The following AZIN2 variants were observed in gnomAD, a reference collection of about 807,000 sequenced individuals.
The protein encoded by AZIN2 is ODC antizyme inhibitor-2.
Under a neutral mutation model 47.8 loss-of-function variants are expected in AZIN2, and 28 were observed. That is an observed-to-expected ratio of 0.59 (90% CI 0.43 to 0.80). AZIN2 has a LOEUF of 0.80. Ranked by LOEUF, AZIN2 falls within the 30% of genes least tolerant of loss-of-function variation. The pLI is 0.00. For missense variants in AZIN2, 535 were observed against 582.5 expected, an observed-to-expected ratio of 0.92 and a Z score of 0.84; for synonymous variants, 221 against 239.4, an observed-to-expected ratio of 0.92 and a Z score of 0.71.
chr1:33,087,602 A>G (rs1024150472), intron 5 of AZIN2, among the ~76,000 whole-genome samples: 1 of 151,302 alleles, frequency 6.6e-6, no homozygotes, highest in Non-Finnish European at 1.5e-5. Context: ...ATGCCCGGCT[A>G]ATTTTTTGTT....
chr1:33,115,470 C>T (rs190966163), intron 10 of AZIN2, among the ~76,000 whole-genome samples: 2 of 150,852 alleles, frequency 1.3e-5, no homozygotes, highest in Non-Finnish European at 1.5e-5. Flanking sequence ...TTTGGAAGGC[C>T]GAGGTGGCGG....
At chr1:33,092,695 G>A (rs1642697482) in intron 6 of AZIN2, among the ~76,000 whole-genome samples, 1 of 152,168 alleles carries the variant, frequency 6.6e-6, no homozygotes, top group Non-Finnish European at 1.5e-5. Context: ...ACATTCAAGC[G>A]TAAGCAGAAA....
the AZIN2 span, among the ~76,000 whole-genome samples, chr1:33,149,063 C>G: frequency 6.6e-6 from 1 of 152,212 alleles, no homozygotes; most frequent in African/African-American, 2.4e-5. Flanking sequence ...CCCAGAGGCT[C>G]AATTCAAAAG....
chr1:33,127,767 G>A (rs1644867492), downstream of AZIN2, among the ~76,000 whole-genome samples: 1 of 152,210 alleles, frequency 6.6e-6, no homozygotes, highest in Non-Finnish European at 1.5e-5. Flanking sequence ...AGAATATAAA[G>A]GTCTTTGAAA....
chr1:33,138,520 C>T, the AZIN2 span, among the ~76,000 whole-genome samples: 66 of 151,316 alleles, frequency 4.4e-4, no homozygotes, highest in Non-Finnish European at 7.9e-4. Context: ...TAAATTAGCA[C>T]GCCCAATAAT....
In AZIN2 at chr1:33,085,911, C is replaced by T. The variant is rs566523709; in HGVS notation, c.279+1784C>T. 3.2e-4 allele frequency among the ~76,000 whole-genome samples: 48 copies of T among 152,270 alleles called. No individual in the cohort carries two copies. The South Asian group carries it at 4.2e-3, about 13-fold the overall frequency. On this transcript the variant is annotated intron_variant, in intron 5 of 11. Transcript: ENST00000294517. Reference sequence around the variant, plus strand: ...CGTCCTCGTTTCCCACTTCTTCCTGCGGTGCCCTGGGCCTCCACGTGGGAT... The same window carrying T: ...CGTCCTCGTTTCCCACTTCTTCCTGTGGTGCCCTGGGCCTCCACGTGGGAT...
the AZIN2 span, among the ~76,000 whole-genome samples, chr1:33,144,795 C>T: frequency 2.6e-5 from 4 of 152,104 alleles, no homozygotes; most frequent in Non-Finnish European, 5.9e-5. Flanking sequence ...GTTCCATACC[C>T]GTCACAGCCC....
the AZIN2 span, among the ~76,000 whole-genome samples, chr1:33,144,054 A>G: frequency 6.6e-6 from 1 of 152,132 alleles, no homozygotes; most frequent in African/African-American, 2.4e-5. Context: ...GATGGCATTC[A>G]TGATTATGCC....
the AZIN2 span, among the ~76,000 whole-genome samples, chr1:33,150,137 T>C: frequency 2.0e-5 from 3 of 152,220 alleles, no homozygotes; most frequent in Non-Finnish European, 4.4e-5. Flanking sequence ...TGGCTTTCCT[T>C]AGCCTGAATG....
chr1:33,134,780 A>G, the AZIN2 span, among the ~76,000 whole-genome samples: 1 of 152,218 alleles, frequency 6.6e-6, no homozygotes, highest in Admixed American at 6.5e-5. Context: ...GACTCTGAGA[A>G]ATAGGGGAGC....
At chr1:33,144,951 A>G in the AZIN2 span, among the ~76,000 whole-genome samples, 2 of 152,216 alleles carry the variant, frequency 1.3e-5, no homozygotes, top group East Asian at 1.9e-4. Context: ...TTACCAATAA[A>G]TTATGTGAAA....
the AZIN2 span, among the ~76,000 whole-genome samples, chr1:33,155,960 T>G: frequency 6.6e-6 from 1 of 152,218 alleles, no homozygotes; most frequent in Non-Finnish European, 1.5e-5. Flanking sequence ...TGCTTCCTGC[T>G]TTACTGAGAA....
chr1:33,148,611 AATATTTT>A, the AZIN2 span, among the ~76,000 whole-genome samples: 2 of 152,332 alleles, frequency 1.3e-5, no homozygotes, highest in South Asian at 4.1e-4. Context: ...TGACATACAA[AATATTTT>A]ATTATTAATA....
At chr1:33,098,435 G>T (rs1233734242) in intron 10 of AZIN2, among the ~76,000 whole-genome samples, 1 of 152,164 alleles carries the variant, frequency 6.6e-6, no homozygotes, top group Non-Finnish European at 1.5e-5. Flanking sequence ...ATGGGGTGTA[G>T]CTCTTTCCAT....
At chr1:33,150,978 G>A in the AZIN2 span, among the ~76,000 whole-genome samples, 4 of 152,162 alleles carry the variant, frequency 2.6e-5, no homozygotes, top group Non-Finnish European at 4.4e-5. Flanking sequence ...ACCAGCAACA[G>A]GCAGCAACCG....
chr1:33,108,217 C>T (rs1238073421), intron 10 of AZIN2, among the ~76,000 whole-genome samples: 1 of 152,036 alleles, frequency 6.6e-6, no homozygotes, highest in African/African-American at 2.4e-5. Flanking sequence ...ACCAAGGACA[C>T]ACAATGGGAA....
Position 33,082,343 on chromosome 1 carries a change from C to T in AZIN2, c.94C>T (p.Gln32Ter). 1 of 1,613,312 alleles carries T rather than the reference C, an allele frequency of 6.2e-7. No individual in the cohort carries two copies. The highest frequency in any genetic ancestry group is 8.5e-7 in the Non-Finnish European group (1 of 1,179,578). The change falls in exon 4 of 12, where the codon CAG becomes TAG. Residue 32 changes from glutamine (Q) to a stop codon, truncating the protein, a stop_gained. Coordinates refer to ENST00000294517, the MANE Select transcript of AZIN2 (RefSeq NM_052998.4). LOFTEE classifies it high-confidence loss of function. ...GAAGGAACTCACTCTGGGGGCCTCA[C>T]AGGCCACCACGGTGAGGGGCTGGGA... ...LLKELTLGAS[Q>*]ATTDEVAAFF...
the AZIN2 span, among the ~76,000 whole-genome samples, chr1:33,138,519 A>G: frequency 3.3e-5 from 5 of 151,660 alleles, no homozygotes; most frequent in Non-Finnish European, 5.9e-5. Flanking sequence ...TTAAATTAGC[A>G]CGCCCAATAA....
intron 5 of AZIN2, among the ~76,000 whole-genome samples, chr1:33,091,777 C>G (rs143261868): frequency 2.0e-5 from 3 of 152,270 alleles, no homozygotes; most frequent in Non-Finnish European, 4.4e-5. Flanking sequence ...AATAAATATA[C>G]AAATCTACTC....
Sources: allele counts gnomAD v4.1 joint callset (sites outside exome capture counted in the v4.1 genomes callset), GRCh38; gene constraint gnomAD v4.1.1; transcripts MANE v1.5; gene names NCBI Gene and HGNC (gene_info 2026-07-23, HGNC 2026-07-21).